Variants in VPS13B observed in about 807,000 individuals in gnomAD.
VPS13B encodes the protein vacuolar protein sorting 13 homolog B.
A neutral mutation model predicts 426.4 loss-of-function variants in VPS13B; 285 were observed. That is an observed-to-expected ratio of 0.67 (90% CI 0.61 to 0.74). The LOEUF is 0.74. Ranked by LOEUF, VPS13B falls within the 30% of genes least tolerant of loss-of-function variation. The pLI, the probability that VPS13B is intolerant of heterozygous loss-of-function variation, is 0.00. For missense variants in VPS13B, 4,537 were observed against 4,782.6 expected, an observed-to-expected ratio of 0.95 and a Z score of 1.51; for synonymous variants, 1,676 against 1,676.4, an observed-to-expected ratio of 1.00 and a Z score of 0.01.
chr8:99,429,639 A>C (rs1426498373), intron 21 of VPS13B: 1 of 152,128 alleles, frequency 6.6e-6, no homozygotes, highest in Non-Finnish European at 1.5e-5. Context: ...CTATACATCT[A>C]ATCCATCAGT....
At chr8:99,023,864 A>G (rs77649885) in intron 2 of VPS13B, among the ~76,000 whole-genome samples, 4,201 of 152,312 alleles carry the variant, frequency 0.028, 77 homozygotes, top group Non-Finnish European at 0.043. Flanking sequence ...TAGAGCTGCA[A>G]TAAACATGGA....
intron 33 of VPS13B, among the ~76,000 whole-genome samples, chr8:99,631,192 T>C (rs185725581): frequency 8.5e-4 from 129 of 151,826 alleles, no homozygotes; most frequent in African/African-American, 2.9e-3. Flanking sequence ...TGTCTTGTTG[T>C]TCCAGGTCCA....
intron 17 of VPS13B, among the ~76,000 whole-genome samples, chr8:99,200,373 G>T (rs1421419522): frequency 3.3e-5 from 5 of 150,926 alleles, no homozygotes; most frequent in African/African-American, 4.9e-5. Context: ...TCAAGTACAG[G>T]TTTTTTTTTG....
At chr8:99,077,102 C>A (rs1845166435) in intron 3 of VPS13B, among the ~76,000 whole-genome samples, 1 of 151,934 alleles carries the variant, frequency 6.6e-6, no homozygotes, top group African/African-American at 2.4e-5. Context: ...CTCCCCTAAG[C>A]TTTTCTTTTA....
At chr8:99,392,965 A>G (rs1814523092) in intron 21 of VPS13B, among the ~76,000 whole-genome samples, 1 of 152,076 alleles carries the variant, frequency 6.6e-6, no homozygotes, top group South Asian at 2.1e-4. Context: ...TGTCATGTTA[A>G]GTTTAAGAGT....
intron 17 of VPS13B, among the ~76,000 whole-genome samples, chr8:99,214,158 AAAT>A (rs1815264395): frequency 6.6e-6 from 1 of 152,182 alleles, no homozygotes; most frequent in African/African-American, 2.4e-5. Flanking sequence ...AGGATTTGGC[AAAT>A]AATCTGGCTC....
chr8:99,366,529 G>GT (rs74203765), intron 19 of VPS13B, among the ~76,000 whole-genome samples: 2,305 of 128,394 alleles, frequency 0.018, 51 homozygotes, highest in African/African-American at 0.05. Context: ...GTTTTTTTTT[G>GT]TTTTTTTTTT....
chr8:99,366,711 A>T (rs1276921600), intron 19 of VPS13B, among the ~76,000 whole-genome samples: 2 of 151,196 alleles, frequency 1.3e-5, no homozygotes, highest in African/African-American at 2.4e-5. Context: ...TTAATTTTCT[A>T]TGATGGTATT....
At chr8:99,812,732 C>T (rs1180910571) in intron 44 of VPS13B, among the ~76,000 whole-genome samples, 2 of 152,134 alleles carry the variant, frequency 1.3e-5, no homozygotes, top group East Asian at 1.9e-4. Flanking sequence ...CTCAAATGTA[C>T]ACATGTATGT....
At chr8:99,387,123 T>TA (rs1197960767) in intron 20 of VPS13B, among the ~76,000 whole-genome samples, 10 of 152,226 alleles carry the variant, frequency 6.6e-5, no homozygotes, top group African/African-American at 2.4e-4. Context: ...TTAGTAGCAC[T>TA]AGGCAAGTAT....
intron 3 of VPS13B, among the ~76,000 whole-genome samples, chr8:99,091,348 A>T (rs1846135388): frequency 6.6e-6 from 1 of 152,148 alleles, no homozygotes; most frequent in African/African-American, 2.4e-5. Flanking sequence ...AAGGTTAGTT[A>T]TATCTTCCTT....
chr8:99,487,698 T>C (rs1820387156), intron 25 of VPS13B, among the ~76,000 whole-genome samples: 1 of 152,194 alleles, frequency 6.6e-6, no homozygotes, highest in South Asian at 2.1e-4. Context: ...AATCGTATGG[T>C]ATTTGTCCTT....
chr8:99,798,264 G>C (rs1352986202), intron 43 of VPS13B, among the ~76,000 whole-genome samples: 2 of 151,542 alleles, frequency 1.3e-5, no homozygotes, highest in African/African-American at 2.4e-5. Flanking sequence ...AGGGATTCCA[G>C]GAAACTTACA....
At chr8:99,041,313 A>G (rs867807403) in intron 3 of VPS13B, among the ~76,000 whole-genome samples, 25 of 152,182 alleles carry the variant, frequency 1.6e-4, no homozygotes, top group African/African-American at 5.8e-4. Flanking sequence ...TAAACTGTTT[A>G]TCCTGTTTTT....
chr8:99,718,910 T>C (rs988291720), intron 37 of VPS13B, among the ~76,000 whole-genome samples: 4 of 152,092 alleles, frequency 2.6e-5, no homozygotes, highest in Non-Finnish European at 5.9e-5. Flanking sequence ...CCTCCACCCA[T>C]GCTGGGATTA....
chr8:99,091,693 GCTTT>G (rs1206522918), intron 3 of VPS13B: 3 of 152,080 alleles, frequency 2.0e-5, no homozygotes, highest in African/African-American at 7.2e-5. Context: ...ACTTTATTTA[GCTTT>G]CTGTCTTTGA....
chr8:99,117,629 C>T (rs1255851757), intron 7 of VPS13B, among the ~76,000 whole-genome samples: 2 of 152,022 alleles, frequency 1.3e-5, no homozygotes, highest in Non-Finnish European at 2.9e-5. Context: ...AAATGAAATA[C>T]TGATATAGGC....
At chr8:99,708,155 A>T (rs1356283576) in intron 36 of VPS13B, among the ~76,000 whole-genome samples, 1 of 151,980 alleles carries the variant, frequency 6.6e-6, no homozygotes, top group African/African-American at 2.4e-5. Context: ...CAGTATGCAC[A>T]GTCAGATCTG....
chr8:99,143,137 A>G lies in VPS13B; in HGVS notation c.1815A>G (p.Glu605=). 6.2e-7 allele frequency: 1 copy of G among 1,614,016 alleles called. No homozygotes were observed. The highest frequency in any genetic ancestry group is 1.1e-5 in the South Asian group (1 of 91,078). The change falls in exon 13 of 62, where the codon GAA becomes GAG. Residue 605 remains glutamate, a synonymous_variant. Coordinates refer to ENST00000357162, the MANE Select transcript of VPS13B (RefSeq NM_152564.5). The part of the protein sequence containing the change: ...LKMIVCALEH[E]YEPYSRLKSD... Reference sequence around the variant, plus strand: ...TGATTGTGTGTGCCTTGGAACATGAATATGAACCATATAGCAGGCTAAAAT... The same window carrying G: ...TGATTGTGTGTGCCTTGGAACATGAGTATGAACCATATAGCAGGCTAAAAT...
Sources: gnomAD v4.1 joint callset for allele counts (sites outside exome capture counted in the v4.1 genomes callset) on GRCh38, gnomAD v4.1.1 for gene constraint, MANE v1.5 for transcripts, NCBI Gene and HGNC (gene_info 2026-07-23, HGNC 2026-07-21) for gene names.